Variants in GREB1L observed in about 807,000 individuals in gnomAD.
GREB1L encodes GREB1-like protein.
In GREB1L, 17 loss-of-function variants were observed where a neutral mutation model predicts 200.8. The observed-to-expected ratio is 0.08, with a 90% CI of 0.06 to 0.13. The LOEUF (loss-of-function observed/expected upper bound fraction) is 0.13, where lower values mean the gene tolerates loss of function less well. GREB1L is among the 10% of genes least tolerant of loss of function. The pLI is 1.00. For missense variants in GREB1L, 1,657 were observed against 2,367.7 expected, an observed-to-expected ratio of 0.70 and a Z score of 6.23; for synonymous variants, 789 against 893.0, an observed-to-expected ratio of 0.88 and a Z score of 2.08.
intron 1 of GREB1L, among the ~76,000 whole-genome samples, chr18:21,303,169 A>C (rs985209268): frequency 6.6e-6 from 1 of 151,960 alleles, no homozygotes; most frequent in Non-Finnish European, 1.5e-5. Flanking sequence ...CATTACTTTC[A>C]CTCTACATTG....
chr18:21,418,685 G>T (rs2031874587), intron 7 of GREB1L, among the ~76,000 whole-genome samples: 1 of 152,066 alleles, frequency 6.6e-6, no homozygotes, highest in Admixed American at 6.6e-5. Flanking sequence ...ACCACGCCCA[G>T]CTAATTTTTT....
At chr18:21,409,946 T>C (rs1021462930) in intron 7 of GREB1L, among the ~76,000 whole-genome samples, 2 of 152,192 alleles carry the variant, frequency 1.3e-5, no homozygotes, top group African/African-American at 4.8e-5. Context: ...AGCTTTATGT[T>C]CTTTTTGTTT....
At chr18:21,308,558 A>G (rs906674420) in intron 1 of GREB1L, among the ~76,000 whole-genome samples, 10 of 152,186 alleles carry the variant, frequency 6.6e-5, no homozygotes, top group African/African-American at 2.4e-4. Context: ...ACGTGGAGGG[A>G]TGGGCTTTGC....
At chr18:21,474,429 C>T (rs1024516573) in intron 16 of GREB1L, among the ~76,000 whole-genome samples, 9 of 152,222 alleles carry the variant, frequency 5.9e-5, no homozygotes, top group African/African-American at 2.2e-4. Flanking sequence ...ACTGCCCTAG[C>T]AGAGGTTCTC....
Position 21,485,732 on chromosome 18 carries a change from T to C in GREB1L, c.2669T>C (p.Met890Thr). The C allele has an allele frequency of 6.4e-7, 1 of 1,551,522 alleles. No individual in the cohort carries two copies. Among genetic ancestry groups the C allele is most frequent in the Non-Finnish European group, 8.7e-7 (1 of 1,146,944 alleles). ...AGATGTGACGAGACTTTTGAAAAAATGGTGAACACACTCTTGGAGAGGTAA... is the reference window on the plus strand; with the variant it reads ...AGATGTGACGAGACTTTTGAAAAAACGGTGAACACACTCTTGGAGAGGTAA... ...LLRCDETFEK[M>T]VNTLLERYPR... Residue 890 changes from methionine (M) to threonine (T), a missense_variant, in exon 18 of 33, where the codon ATG becomes ACG. Physicochemically the swap from Met to Thr is moderately conservative, Grantham distance 81 (BLOSUM62 -1). Transcript: ENST00000424526.
At chr18:21,329,680 C>T (rs567525147) in intron 1 of GREB1L, among the ~76,000 whole-genome samples, 14 of 152,208 alleles carry the variant, frequency 9.2e-5, no homozygotes, top group East Asian at 1.9e-4. Context: ...GTCTCCTTGA[C>T]GAGATGCCTT....
chr18:21,366,829 C>T (rs929363390), intron 2 of GREB1L, among the ~76,000 whole-genome samples: 1 of 152,052 alleles, frequency 6.6e-6, no homozygotes, highest in Non-Finnish European at 1.5e-5. Context: ...CCTTTTGAGG[C>T]CAAAAAGAAC....
At chr18:21,436,958 G>GCCT (rs368743069) in intron 7 of GREB1L, among the ~76,000 whole-genome samples, 17 of 152,200 alleles carry the variant, frequency 1.1e-4, no homozygotes, top group African/African-American at 4.1e-4. Flanking sequence ...TGATCAGCCA[G>GCCT]CCTCAGTCAC....
At chr18:21,322,848 A>G in intron 1 of GREB1L, among the ~76,000 whole-genome samples, 1 of 152,232 alleles carries the variant, frequency 6.6e-6, no homozygotes, top group East Asian at 1.9e-4. Context: ...CCCATATTCC[A>G]CATCTTAAAC....
At chr18:21,452,497 G>T in intron 14 of GREB1L, 1 of 324,128 alleles carries the variant, frequency 3.1e-6, no homozygotes, top group Non-Finnish European at 5.6e-6. Flanking sequence ...CAGGACATTG[G>T]CTCATTTTCC....
chr18:21,458,544 A>G (rs1458423283), intron 15 of GREB1L, among the ~76,000 whole-genome samples: 2 of 152,230 alleles, frequency 1.3e-5, no homozygotes, highest in Non-Finnish European at 2.9e-5. Flanking sequence ...CAGTGCCTGC[A>G]TGGCTGAAAG....
At chr18:21,487,741 C>G (rs547755554) in intron 18 of GREB1L, among the ~76,000 whole-genome samples, 1 of 152,218 alleles carries the variant, frequency 6.6e-6, no homozygotes, top group South Asian at 2.1e-4. Context: ...TGGCTCATGC[C>G]TGTAATCCCA....
intron 7 of GREB1L, among the ~76,000 whole-genome samples, chr18:21,417,842 G>T (rs1421894506): frequency 5.9e-5 from 9 of 151,842 alleles, no homozygotes; most frequent in Non-Finnish European, 2.9e-5. Flanking sequence ...TTAGCCAGGC[G>T]GGGTGGCGGG....
Position 21,430,212 on chromosome 18 carries a change from C to T in GREB1L, c.833-9309C>T, listed in dbSNP as rs567975409. Among the ~76,000 whole-genome samples the T allele has an allele frequency of 5.3e-5, 8 of 152,062 alleles. No homozygotes were observed. The South Asian group carries it at 1.2e-3, about 24-fold the overall frequency. On this transcript the variant is annotated intron_variant, in intron 7 of 32. Coordinates refer to ENST00000424526, the MANE Select transcript of GREB1L (RefSeq NM_001142966.3). ...AATTGGGGCCTCAACATATGGATTG[C>T]GGGGAGACAATTCAGTCTATAACAA... is the stretch of plus-strand genomic sequence containing the variant.
intron 1 of GREB1L, among the ~76,000 whole-genome samples, chr18:21,320,226 G>C (rs959144894): frequency 1.3e-5 from 2 of 152,008 alleles, no homozygotes; most frequent in African/African-American, 4.8e-5. Flanking sequence ...GAAAAAGGGA[G>C]AAAATTGGTA....
chr18:21,253,824 C>T (rs1332128921), intron 1 of GREB1L, among the ~76,000 whole-genome samples: 1 of 143,472 alleles, frequency 7.0e-6, no homozygotes, highest in African/African-American at 2.7e-5. Context: ...CTTTGACTTC[C>T]AGGCTTTTTT....
chr18:21,357,720 A>G (rs2039525696), intron 1 of GREB1L, among the ~76,000 whole-genome samples: 1 of 152,196 alleles, frequency 6.6e-6, no homozygotes, highest in African/African-American at 2.4e-5. Flanking sequence ...GTTATTGAAG[A>G]GACTGTTCTT....
chr18:21,301,089 G>A (rs1222435151), intron 1 of GREB1L, among the ~76,000 whole-genome samples: 1 of 152,164 alleles, frequency 6.6e-6, no homozygotes, highest in Non-Finnish European at 1.5e-5. Flanking sequence ...TTGATATCTG[G>A]CAGGATGCTA....
In GREB1L at chr18:21,516,716, G is replaced by T. The variant is rs2037430228; in HGVS notation, c.5233G>T (p.Gly1745Ter). Residue 1745 changes from glycine to a stop codon, truncating the protein, a stop_gained, in exon 30 of 33, where the codon GGA becomes TGA. Coordinates refer to ENST00000424526, the MANE Select transcript of GREB1L (RefSeq NM_001142966.3). LOFTEE classifies it high-confidence loss of function. ...FSLMKKHVQVGGQRDFIIKPK... is the reference protein window; with the variant it reads ...FSLMKKHVQV The stretch of plus-strand genomic sequence containing the variant: ...TCTCATGAAGAAACATGTTCAGGTT[G>T]GAGGGCAAAGGGACTTTATCATTAA... 6.4e-7 allele frequency: 1 copy of T among 1,551,410 alleles called. No individual in the cohort carries two copies. Among genetic ancestry groups the T allele is most frequent in the Admixed American group, 2.0e-5 (1 of 50,980 alleles).
Sources: gnomAD v4.1 joint callset for allele counts (sites outside exome capture counted in the v4.1 genomes callset) on GRCh38, gnomAD v4.1.1 for gene constraint, MANE v1.5 for transcripts, NCBI Gene and HGNC (gene_info 2026-07-23, HGNC 2026-07-21) for gene names.